Variants in SLC5A9 observed in about 807,000 individuals in gnomAD.
The protein encoded by SLC5A9 is sodium/glucose cotransporter 4.
Under a neutral mutation model 70.9 loss-of-function variants are expected in SLC5A9, and 59 were observed. The ratio of observed to expected loss-of-function variants is 0.83; its 90% CI spans 0.68 to 1.03. The LOEUF is 1.03. Ranked by LOEUF, SLC5A9 falls within the 50% of genes least tolerant of loss-of-function variation. SLC5A9 has a pLI of 0.00. For missense variants in SLC5A9, 832 were observed against 881.1 expected (o/e 0.94, Z 0.71); for synonymous variants, 340 against 346.5 (o/e 0.98, Z 0.21).
chr1:48,229,504 TA>T, intron 4 of SLC5A9, 45 bp downstream of exon 4: 1 of 1,605,728 alleles, frequency 6.2e-7, no homozygotes, highest in Non-Finnish European at 8.5e-7. Flanking sequence ...AAATGCTAAT[TA>T]GGGAACTGCT....
At chr1:48,234,549 A>G (rs778288466) in intron 9 of SLC5A9, among the ~76,000 whole-genome samples, 8 of 152,108 alleles carry the variant, frequency 5.3e-5, no homozygotes, top group Non-Finnish European at 1.0e-4. Context: ...GGATTTAAAG[A>G]TGTTTGTGAG....
chr1:48,229,282 C>T lies in SLC5A9; in HGVS notation c.340-13C>T, dbSNP rs1644211489. ...AGGACCTGGATACCTTCTTCTTCTC[C>T]CCACTCTCCCAGGCAACCTGGCTGC... On this transcript the variant is annotated splice_polypyrimidine_tract_variant and intron_variant, in intron 3 of 13. Coordinates refer to ENST00000438567, the MANE Select transcript of SLC5A9 (RefSeq NM_001011547.3). 1.9e-6 allele frequency: 3 copies of T among 1,614,110 alleles called. No homozygotes were observed. Among genetic ancestry groups the T allele is most frequent in the Non-Finnish European group, 2.5e-6 (3 of 1,179,994 alleles).
intron 12 of SLC5A9, chr1:48,240,974 C>T (rs1644384146): frequency 6.6e-6 from 1 of 152,258 alleles, no homozygotes; most frequent in African/African-American, 2.4e-5. Flanking sequence ...ACACTACTGA[C>T]CACTTCCTGC....
chr1:48,226,334 G>C (rs1403301597), intron 2 of SLC5A9, among the ~76,000 whole-genome samples: 2 of 152,190 alleles, frequency 1.3e-5, no homozygotes, highest in African/African-American at 2.4e-5. Context: ...AACCCACAGA[G>C]AGCCGAGCTC....
At chr1:48,227,174 T>C (rs985893765) in intron 2 of SLC5A9, among the ~76,000 whole-genome samples, 4 of 102,862 alleles carry the variant, frequency 3.9e-5, no homozygotes, top group African/African-American at 5.8e-5. Flanking sequence ...AGAGTGTGTG[T>C]GCGTGTGTGT....
chr1:48,240,879 G>A (rs988134478), intron 12 of SLC5A9, among the ~76,000 whole-genome samples: 1 of 152,116 alleles, frequency 6.6e-6, no homozygotes, highest in Non-Finnish European at 1.5e-5. Flanking sequence ...TGCTGAAATC[G>A]CTCTCACTGA....
chr1:48,236,236 G>A (rs572263617), intron 10 of SLC5A9, among the ~76,000 whole-genome samples: 8 of 152,080 alleles, frequency 5.3e-5, no homozygotes, highest in Non-Finnish European at 7.4e-5. Flanking sequence ...TGTTAAGCCC[G>A]GTTAAAAAAA....
rs745457738 is a variant in SLC5A9 at position 48,232,001 on chromosome 1, C to A, written c.747C>A (p.Ile249=). 7.4e-6 allele frequency: 12 copies of A among 1,614,164 alleles called. No individual in the cohort carries two copies. Among genetic ancestry groups the A allele is most frequent in the Non-Finnish European group, 1.0e-5 (12 of 1,180,028 alleles). Residue 249 remains isoleucine (I), a synonymous_variant, in exon 7 of 14, where the codon ATC becomes ATA. Coordinates refer to ENST00000438567, the MANE Select transcript of SLC5A9 (RefSeq NM_001011547.3). ...PGLEQRYRQA[I]PNVTVPNTTC... ...TGGAGCAGCGGTACAGGCAGGCCATCCCTAATGTCACAGTCCCCAACACCA... is the reference window on the plus strand; with the variant it reads ...TGGAGCAGCGGTACAGGCAGGCCATACCTAATGTCACAGTCCCCAACACCA...
In SLC5A9 at chr1:48,235,767, CTCA is replaced by C. The variant is rs1232307583; in HGVS notation, c.1182_1184del (p.Met395del). 2 of 1,614,114 alleles carry C rather than the reference CTCA, an allele frequency of 1.2e-6. No individual in the cohort carries two copies. The highest frequency in any genetic ancestry group is 3.3e-5 in the Admixed American group (2 of 60,014). On this transcript the variant is annotated inframe_deletion, in exon 10 of 14. Coordinates refer to ENST00000438567, the MANE Select transcript of SLC5A9 (RefSeq NM_001011547.3). ...GATGATTGCCGTGATCATGGCCGCT[CTCA>C]TGAGCTCACTCACCTCCATCTTCAA...
Position 48,233,740 on chromosome 1 carries a change from G to T in SLC5A9, c.1119G>T (p.Leu373Phe), listed in dbSNP as rs762761457. 1.7e-5 allele frequency: 28 copies of T among 1,613,732 alleles called. No homozygotes were observed. Among genetic ancestry groups the T allele is most frequent in the Non-Finnish European group, 2.4e-5 (28 of 1,179,902 alleles). ...GTTCCAACATTGCCTACCCTAAGTTGGTCATGGCCCTCATGCCTGTTGGTG... is the reference window on the plus strand; with the variant it reads ...GTTCCAACATTGCCTACCCTAAGTTTGTCATGGCCCTCATGCCTGTTGGTG... Reference protein sequence around the residue: ...VGCSNIAYPKLVMALMPVGLR... With the variant: ...VGCSNIAYPKFVMALMPVGLR... Residue 373 changes from leucine to phenylalanine, a missense_variant, in exon 9 of 14, where the codon TTG (leucine) becomes TTT (phenylalanine). Coordinates refer to ENST00000438567, the MANE Select transcript of SLC5A9 (RefSeq NM_001011547.3).
At position 48,222,889 on chromosome 1, in the gene SLC5A9, G is replaced by A; in HGVS notation, c.153G>A (p.Val51=). The A allele has an allele frequency of 6.2e-7, 1 of 1,614,040 alleles. No homozygotes were observed. The highest frequency in any genetic ancestry group is 8.5e-7 in the Non-Finnish European group (1 of 1,179,966). Residue 51 remains valine (V), a synonymous_variant, in exon 1 of 14, where the codon GTG becomes GTA. Transcript: ENST00000438567. ...TCTACTTTGTCTTCGTCATTGCTGTGGGGATCTGGGTAAGTGGGCCCTGAG... is the reference window on the plus strand; with the variant it reads ...TCTACTTTGTCTTCGTCATTGCTGTAGGGATCTGGGTAAGTGGGCCCTGAG... ...VVIYFVFVIA[V]GIWSSIRASR...
At position 48,231,592 on chromosome 1, in the gene SLC5A9, A is replaced by G. The variant is rs746598985; in HGVS notation, c.658A>G (p.Met220Val). 2 of 1,614,170 alleles carry G rather than the reference A, an allele frequency of 1.2e-6. No homozygotes were observed. Among genetic ancestry groups the G allele is most frequent in the Admixed American group, 3.3e-5 (2 of 60,030 alleles). Residue 220 changes from methionine (M) to valine (V), a missense_variant, in exon 6 of 14, where the codon ATG (methionine) becomes GTG (valine). Coordinates refer to ENST00000438567, the MANE Select transcript of SLC5A9 (RefSeq NM_001011547.3). ...IYTDALQTVI[M>V]VGGALVLMFL... ...CACAGATGCTCTGCAGACGGTGATC[A>G]TGGTAGGGGGAGCCCTGGTCCTCAT...
chr1:48,231,616 A>C lies in SLC5A9; in HGVS notation c.682A>C (p.Met228Leu), dbSNP rs1353534396. 6.2e-7 allele frequency: 1 copy of C among 1,613,986 alleles called. No individual in the cohort carries two copies. Among genetic ancestry groups the C allele is most frequent in the African/African-American group, 1.3e-5 (1 of 74,902 alleles). ...VIMVGGALVL[M>L]FLGFQDVGWY... ...CATGGTAGGGGGAGCCCTGGTCCTC[A>C]TGTTTCTGGGTAAGGAAGAGACCTA... is the stretch of plus-strand genomic sequence containing the variant. The change falls in exon 6 of 14, where the codon ATG becomes CTG. Residue 228 changes from methionine to leucine, a missense_variant. Coordinates refer to ENST00000438567, the MANE Select transcript of SLC5A9 (RefSeq NM_001011547.3).
At chr1:48,231,675 T>C (rs1174790902) in intron 6 of SLC5A9, 50 bp downstream of exon 6, 1 of 1,601,834 alleles carries the variant, frequency 6.2e-7, no homozygotes, top group South Asian at 1.1e-5. Context: ...AATTCCTCTC[T>C]GTCCTGTCTC....
At chr1:48,232,953 A>G (rs569681593) in intron 8 of SLC5A9, among the ~76,000 whole-genome samples, 59 of 146,794 alleles carry the variant, frequency 4.0e-4, no homozygotes, top group East Asian at 6.3e-4. Flanking sequence ...AGAAGAAGAA[A>G]AAAAGGAGGA....
chr1:48,229,629 CAG>C, intron 4 of SLC5A9, 170 bp downstream of exon 4: 1 of 1,005,734 alleles, frequency 9.9e-7, no homozygotes, highest in Non-Finnish European at 1.4e-6. Flanking sequence ...CTGGGGTACT[CAG>C]AGATGAATGA....
At chr1:48,238,054 G>C (rs1010691923) in intron 11 of SLC5A9, among the ~76,000 whole-genome samples, 1 of 152,130 alleles carries the variant, frequency 6.6e-6, no homozygotes, top group Admixed American at 6.5e-5. Flanking sequence ...AGTAGTTTAC[G>C]AGATTCACAT....
chr1:48,235,365 G>A (rs1001796953), intron 9 of SLC5A9, among the ~76,000 whole-genome samples: 1 of 152,142 alleles, frequency 6.6e-6, no homozygotes, highest in Non-Finnish European at 1.5e-5. Flanking sequence ...CACTAACCAA[G>A]TGTCTACAAG....
chr1:48,236,783 T>TGGATTC (rs1348410731), intron 10 of SLC5A9, among the ~76,000 whole-genome samples: 1 of 152,144 alleles, frequency 6.6e-6, no homozygotes, highest in Non-Finnish European at 1.5e-5. Flanking sequence ...TGCTTGCTCA[T>TGGATTC]CTGTGCACCC....
Sources: allele counts gnomAD v4.1 joint callset (sites outside exome capture counted in the v4.1 genomes callset), GRCh38; gene constraint gnomAD v4.1.1; transcripts MANE v1.5; gene names NCBI Gene and HGNC (gene_info 2026-07-23, HGNC 2026-07-21).